The following SIPA1L1 variants were observed in gnomAD, a reference collection of about 807,000 sequenced individuals.
The protein encoded by SIPA1L1 is signal-induced proliferation-associated 1-like protein 1.
A neutral mutation model predicts 162.7 loss-of-function variants in SIPA1L1; 26 were observed. The observed-to-expected ratio is 0.16, with a 90% CI of 0.12 to 0.22. The LOEUF (loss-of-function observed/expected upper bound fraction) is 0.22. Among genes scored for constraint, SIPA1L1 ranks in the 10% least tolerant of loss-of-function variants. The pLI, the probability that SIPA1L1 is intolerant of heterozygous loss-of-function variation, is 1.00. For synonymous variants in SIPA1L1, 829 were observed against 837.4 expected (o/e 0.99, Z 0.17); for missense variants, 1,874 against 2,241.0 (o/e 0.84, Z 3.31).
intron 13 of SIPA1L1, among the ~76,000 whole-genome samples, chr14:71,692,545 T>G (rs1426725159): frequency 1.3e-5 from 2 of 152,186 alleles, no homozygotes; most frequent in Non-Finnish European, 2.9e-5. Flanking sequence ...ATGTCAGGAT[T>G]AGAGTTGATG....
At position 71,723,754 on chromosome 14, in the gene SIPA1L1, TCTC is replaced by T. The variant is rs781296708; in HGVS notation, c.4323_4325del (p.Ser1447del). Reference sequence around the variant, plus strand: ...GCCCCCTCACAGCTCGCACCATCCTTCTCCTCCTCTTCCTCCTCCTCCTCTGGT... The same window carrying T: ...GCCCCCTCACAGCTCGCACCATCCTTCTCCTCTTCCTCCTCCTCCTCTGGT... On this transcript the variant is annotated inframe_deletion, in exon 18 of 24. Coordinates refer to ENST00000381232, the MANE Select transcript of SIPA1L1 (RefSeq NM_001386936.1). 9.3e-6 allele frequency: 15 copies of T among 1,614,050 alleles called. No individual in the cohort carries two copies. The highest frequency in any genetic ancestry group is 5.3e-5 in the African/African-American group (4 of 74,996).
rs377703489 is a variant in SIPA1L1, at chr14:71,354,577, C to T, written c.-465+33396C>T. 1.3e-3 allele frequency among the ~76,000 whole-genome samples: 202 copies of T among 150,694 alleles called. 1 individual carries two copies. The highest frequency in any genetic ancestry group is 4.6e-3 in the African/African-American group (187 of 40,962). On this transcript the variant is annotated intron_variant, in intron 2 of 23. Coordinates refer to ENST00000381232, the MANE Select transcript of SIPA1L1 (RefSeq NM_001386936.1). Reference sequence around the variant, plus strand: ...TGGGCGTGAGCCACCGCGCCTGGCCCGATACTTCATTTCTTAAAAAAAAAA... The same window carrying T: ...TGGGCGTGAGCCACCGCGCCTGGCCTGATACTTCATTTCTTAAAAAAAAAA...
chr14:71,550,728 C>T (rs2055738451), intron 4 of SIPA1L1, among the ~76,000 whole-genome samples: 1 of 152,004 alleles, frequency 6.6e-6, no homozygotes, highest in Non-Finnish European at 1.5e-5. Flanking sequence ...AATTACTTTT[C>T]TGATATTTCC....
chr14:71,664,462 C>A (rs1308715028), intron 10 of SIPA1L1, among the ~76,000 whole-genome samples: 1 of 152,010 alleles, frequency 6.6e-6, no homozygotes, highest in African/African-American at 2.4e-5. Flanking sequence ...TTTTGGGTTA[C>A]ATGAGATATT....
chr14:71,394,351 A>G (rs983137323), intron 2 of SIPA1L1, among the ~76,000 whole-genome samples: 4 of 152,212 alleles, frequency 2.6e-5, no homozygotes, highest in Non-Finnish European at 5.9e-5. Flanking sequence ...CTCTATTACT[A>G]TTATTTTGTA....
At chr14:71,322,130 TCAGGTTC>T (rs1485101727) in intron 2 of SIPA1L1, among the ~76,000 whole-genome samples, 3 of 152,344 alleles carry the variant, frequency 2.0e-5, no homozygotes, top group Admixed American at 2.0e-4. Context: ...TCGACTTTCA[TCAGGTTC>T]CAGGTCTATC....
intron 2 of SIPA1L1, among the ~76,000 whole-genome samples, chr14:71,442,398 A>G (rs1452298616): frequency 6.6e-6 from 1 of 152,126 alleles, no homozygotes; most frequent in African/African-American, 2.4e-5. Flanking sequence ...TTGCCAAAGC[A>G]TGGAAGAGTA....
intron 10 of SIPA1L1, among the ~76,000 whole-genome samples, chr14:71,662,256 A>G (rs1450153973): frequency 1.3e-5 from 2 of 152,220 alleles, no homozygotes; most frequent in Non-Finnish European, 2.9e-5. Context: ...ACAATTGTAT[A>G]TTTCTAGGAG....
chr14:71,699,159 C>A, intron 14 of SIPA1L1, 32 bp downstream of exon 14: 2 of 1,606,842 alleles, frequency 1.2e-6, no homozygotes, highest in Middle Eastern at 1.7e-4. Flanking sequence ...TGTACATGGT[C>A]CCTGTTGGCA....
intron 4 of SIPA1L1, among the ~76,000 whole-genome samples, chr14:71,529,986 A>G (rs963359577): frequency 6.6e-6 from 1 of 152,236 alleles, no homozygotes; most frequent in African/African-American, 2.4e-5. Flanking sequence ...GAGAAGCCAC[A>G]CAGGGTGGAG....
At chr14:71,677,549 T>A (rs1596880739) in intron 12 of SIPA1L1, among the ~76,000 whole-genome samples, 1 of 152,202 alleles carries the variant, frequency 6.6e-6, no homozygotes, top group African/African-American at 2.4e-5. Flanking sequence ...GTCCTTGCCC[T>A]TGCGTATGTC....
At position 71,677,292 on chromosome 14, in the gene SIPA1L1, A is replaced by G. The variant is rs1596878689; in HGVS notation, c.3104+4670A>G. ...GTCTTCTTTTGCGAAGTGTCTGTTC[A>G]TATCCTTTGCCAAATTTTGATGGGG... On this transcript the variant is annotated intron_variant, in intron 12 of 23. Coordinates refer to ENST00000381232, the MANE Select transcript of SIPA1L1 (RefSeq NM_001386936.1). 2.0e-5 allele frequency among the ~76,000 whole-genome samples: 3 copies of G among 152,170 alleles called. No individual in the cohort carries two copies. In the East Asian group the frequency reaches 5.8e-4, roughly 29 times the overall value.
Position 71,527,908 on chromosome 14 carries a change from C to T in SIPA1L1, c.-361-1404C>T, listed in dbSNP as rs994932522. 3.9e-5 allele frequency among the ~76,000 whole-genome samples: 6 copies of T among 151,906 alleles called. No individual in the cohort carries two copies. In the South Asian group the frequency reaches 6.2e-4, roughly 16 times the overall value. Reference sequence around the variant, plus strand: ...TCTTTCCTTTTTTTTGTTTTGAGACCGAGTCTCGCTCTATCGTCCAGGCTG... The same window carrying T: ...TCTTTCCTTTTTTTTGTTTTGAGACTGAGTCTCGCTCTATCGTCCAGGCTG... On this transcript the variant is annotated intron_variant, in intron 3 of 23. Coordinates refer to ENST00000381232, the MANE Select transcript of SIPA1L1 (RefSeq NM_001386936.1).
intron 17 of SIPA1L1, among the ~76,000 whole-genome samples, chr14:71,720,400 G>A (rs1441907361): frequency 4.6e-5 from 7 of 151,954 alleles, no homozygotes; most frequent in Non-Finnish European, 1.0e-4. Context: ...GGCCAACATC[G>A]TGAAATTCTG....
intron 2 of SIPA1L1, among the ~76,000 whole-genome samples, chr14:71,437,358 TATATATTTTACAA>T (rs1278404599): frequency 6.6e-6 from 1 of 152,068 alleles, no homozygotes; most frequent in South Asian, 2.1e-4. Context: ...AGAAACTACA[TATATATTTTACAA>T]ATTTATTTTT....
intron 2 of SIPA1L1, among the ~76,000 whole-genome samples, chr14:71,371,165 C>T (rs1351127669): frequency 6.6e-6 from 1 of 152,030 alleles, no homozygotes; most frequent in Admixed American, 6.5e-5. Context: ...TTTAATCAGC[C>T]ATTATCCTGA....
At chr14:71,679,449 A>G (rs2045559371) in intron 12 of SIPA1L1, among the ~76,000 whole-genome samples, 2 of 152,262 alleles carry the variant, frequency 1.3e-5, no homozygotes, top group Non-Finnish European at 2.9e-5. Flanking sequence ...AAACATGGAA[A>G]GGAATAATTG....
intron 2 of SIPA1L1, among the ~76,000 whole-genome samples, chr14:71,350,080 GA>G (rs1464544785): frequency 6.6e-6 from 1 of 152,146 alleles, no homozygotes; most frequent in East Asian, 1.9e-4. Context: ...AAGTGATTAT[GA>G]AAAAACTTTT....
At chr14:71,412,508 T>G (rs938010245) in intron 2 of SIPA1L1, among the ~76,000 whole-genome samples, 2 of 152,202 alleles carry the variant, frequency 1.3e-5, no homozygotes, top group Non-Finnish European at 2.9e-5. Flanking sequence ...CTTACCGAGC[T>G]CTGTTCTACC....
Sources: gnomAD v4.1 joint callset for allele counts (sites outside exome capture counted in the v4.1 genomes callset) on GRCh38, gnomAD v4.1.1 for gene constraint, MANE v1.5 for transcripts, NCBI Gene and HGNC (gene_info 2026-07-23, HGNC 2026-07-21) for gene names.